The following GUCY1A2 variants were observed in gnomAD, a reference collection of about 807,000 sequenced individuals.
GUCY1A2 encodes guanylate cyclase 1 soluble subunit alpha 2, also known as guanylate cyclase soluble subunit alpha-2.
Under a neutral mutation model 63.5 loss-of-function variants are expected in GUCY1A2, and 27 were observed. That is an observed-to-expected ratio of 0.43 (90% CI 0.31 to 0.59). GUCY1A2 has a LOEUF of 0.59. Among genes scored for constraint, GUCY1A2 ranks in the 20% least tolerant of loss-of-function variants. The pLI is 0.11. For missense variants in GUCY1A2, 768 were observed against 913.3 expected, an observed-to-expected ratio of 0.84 and a Z score of 2.05; for synonymous variants, 364 against 343.5, an observed-to-expected ratio of 1.06 and a Z score of -0.66.
chr11:107,012,136 T>A (rs976250929), intron 1 of GUCY1A2, among the ~76,000 whole-genome samples: 6 of 152,166 alleles, frequency 3.9e-5, no homozygotes, highest in African/African-American at 1.4e-4. Context: ...AATGTTTGGA[T>A]CTGCAATTTT....
At chr11:106,726,696 A>G (rs552249006) in intron 6 of GUCY1A2, among the ~76,000 whole-genome samples, 17 of 152,324 alleles carry the variant, frequency 1.1e-4, no homozygotes, top group African/African-American at 3.4e-4. Context: ...CTGACTGGAT[A>G]TTAAAGACAA....
rs556436091 is a variant in GUCY1A2, at chr11:106,877,431, T to C, written c.1206+62029A>G. Among the ~76,000 whole-genome samples, 11 of 152,162 alleles carry C rather than the reference T, an allele frequency of 7.2e-5. No homozygotes were observed. The South Asian group carries it at 2.3e-3, about 32-fold the overall frequency. On this transcript the variant is annotated intron_variant, in intron 4 of 7. Transcript: ENST00000526355. ...TACAGTAACCAAAACAGCATGGTGC[T>C]GGTACAAAAACAGACACGTAGACCA...
At chr11:106,988,736 T>C (rs1861434303) in intron 1 of GUCY1A2, among the ~76,000 whole-genome samples, 1 of 152,222 alleles carries the variant, frequency 6.6e-6, no homozygotes, top group Non-Finnish European at 1.5e-5. Flanking sequence ...ACCACAAGCA[T>C]AGAGGCTGAC....
At chr11:106,915,384 T>A (rs1860357107) in intron 4 of GUCY1A2, among the ~76,000 whole-genome samples, 1 of 152,078 alleles carries the variant, frequency 6.6e-6, no homozygotes, top group Non-Finnish European at 1.5e-5. Context: ...GTATCTGTAC[T>A]ACCGACGAGG....
chr11:106,928,177 G>A (rs977578075), intron 4 of GUCY1A2, among the ~76,000 whole-genome samples: 9 of 152,150 alleles, frequency 5.9e-5, no homozygotes, highest in African/African-American at 2.2e-4. Context: ...CAGAGAGAAA[G>A]AGATTCCCTC....
rs537115608 is a variant in GUCY1A2 at position 106,912,651 on chromosome 11, G to A, written c.1206+26809C>T. Among the ~76,000 whole-genome samples the A allele has an allele frequency of 8.3e-4, 127 of 152,106 alleles. 1 individual carries two copies. The highest frequency in any genetic ancestry group is 2.8e-3 in the African/African-American group (118 of 41,538). On this transcript the variant is annotated intron_variant, in intron 4 of 7. Transcript: ENST00000526355. ...TTATGAAGGCTTGAGAATAAGCTTG[G>A]CACAATCCTGTCAATGAAATAGATG...
At chr11:106,695,670 CT>C (rs1862704533) in intron 7 of GUCY1A2, among the ~76,000 whole-genome samples, 1 of 152,118 alleles carries the variant, frequency 6.6e-6, no homozygotes, top group African/African-American at 2.4e-5. Flanking sequence ...TCCAATGGAA[CT>C]GTTGTTATTG....
rs574748293 is a variant in GUCY1A2 at position 106,767,695 on chromosome 11, TGTAAG to T, written c.1836+8739_1836+8743del. ...TTATGCTGATATCTTACAGAGGAAT[TGTAAG>T]GTATTAAGGATGCTCTGTCTATTGA... On this transcript the variant is annotated intron_variant, in intron 6 of 7. Coordinates refer to ENST00000526355, the MANE Select transcript of GUCY1A2 (RefSeq NM_000855.3). 6.6e-5 allele frequency among the ~76,000 whole-genome samples: 10 copies of T among 152,176 alleles called. No individual in the cohort carries two copies. The South Asian group carries it at 1.7e-3, about 25-fold the overall frequency.
In GUCY1A2 at chr11:106,876,577, C is replaced by A. The variant is rs1324008045; in HGVS notation, c.1206+62883G>T. On this transcript the variant is annotated intron_variant, in intron 4 of 7. Transcript: ENST00000526355. ...CTACAAATCATACATGACCAACCTC[C>A]TATAAATACCATTTTCATAACAGTA... 5.3e-5 allele frequency among the ~76,000 whole-genome samples: 8 copies of A among 152,012 alleles called. 1 individual carries two copies. The highest frequency in any genetic ancestry group is 1.3e-4 in the Admixed American group (2 of 15,230).
chr11:106,722,421 G>T (rs1284376700), intron 6 of GUCY1A2, among the ~76,000 whole-genome samples: 1 of 152,024 alleles, frequency 6.6e-6, no homozygotes, highest in African/African-American at 2.4e-5. Context: ...AATCTTGGTA[G>T]TGGGGTCTAA....
intron 3 of GUCY1A2, among the ~76,000 whole-genome samples, chr11:106,940,856 T>G (rs1860743341): frequency 6.6e-6 from 1 of 152,170 alleles, no homozygotes; most frequent in Non-Finnish European, 1.5e-5. Context: ...ATTTCCCCAT[T>G]CTTCACAGAA....
Position 107,017,776 on chromosome 11 carries a change from T to A in GUCY1A2, c.280A>T (p.Ile94Phe). Residue 94 changes from isoleucine (I) to phenylalanine (F), a missense_variant, in exon 1 of 8, where the codon ATC (isoleucine) becomes TTC (phenylalanine). This residue lies in a region of GUCY1A2 where 496 missense variants were observed against 486.9 expected (regional missense o/e 1.02). Coordinates refer to ENST00000526355, the MANE Select transcript of GUCY1A2 (RefSeq NM_000855.3). ...ACCGAGGGCGCCGTCAGGCGGCTGATGCTCTCGCCCAGCGAGTCCAGGTTG... is the reference window on the plus strand; with the variant it reads ...ACCGAGGGCGCCGTCAGGCGGCTGAAGCTCTCGCCCAGCGAGTCCAGGTTG... ...RVNLDSLGES[I>F]SRLTAPSPQT... The A allele has an allele frequency of 7.0e-7, 1 of 1,424,914 alleles. No homozygotes were observed. Among genetic ancestry groups the A allele is most frequent in the Non-Finnish European group, 9.2e-7 (1 of 1,089,110 alleles). The allele number at this position is 1,424,914 out of a possible 1,614,324, so 88.3% of individuals were successfully genotyped here. A position where few individuals can be genotyped will look rare whatever the true frequency, so the allele number is the denominator to read the frequency against.
intron 1 of GUCY1A2, among the ~76,000 whole-genome samples, chr11:107,007,671 A>T (rs1325620556): frequency 1.3e-5 from 2 of 152,162 alleles, no homozygotes; most frequent in African/African-American, 4.8e-5. Flanking sequence ...TCTCTTCCCC[A>T]ATCTTTAAAC....
At chr11:106,842,517 G>A (rs1859213965) in intron 4 of GUCY1A2, among the ~76,000 whole-genome samples, 1 of 152,026 alleles carries the variant, frequency 6.6e-6, no homozygotes, top group South Asian at 2.1e-4. Context: ...AATGGCATTA[G>A]TGCCACTATT....
chr11:106,676,592 CATACT>C lies in GUCY1A2; in HGVS notation c.*10952_*10956del, dbSNP rs1862350760. On this transcript the variant is annotated 3_prime_UTR_variant, in exon 8 of 8. Transcript: ENST00000526355. ...AACCCTCAATAAGAACTCAAAACAT[CATACT>C]ATGCCAAGCTGAATTACAGAAGGGT... 1 of 187,278 alleles carries C rather than the reference CATACT, an allele frequency of 5.3e-6. No individual in the cohort carries two copies. The highest frequency in any genetic ancestry group is 8.5e-5 in the East Asian group (1 of 11,758). 11.6% of individuals were successfully genotyped at this position (187,278 alleles called of 1,614,324 possible). A position where few individuals can be genotyped will look rare whatever the true frequency, so the allele number is the denominator to read the frequency against.
At chr11:106,964,056 T>C (rs7934703) in intron 3 of GUCY1A2, among the ~76,000 whole-genome samples, 127,276 of 151,164 alleles carry the variant, frequency 0.84, 53,862 homozygotes, top group Non-Finnish European at 0.89. Flanking sequence ...TACACACGTA[T>C]ACACACACAC....
chr11:107,007,148 C>T (rs558038384), intron 1 of GUCY1A2, among the ~76,000 whole-genome samples: 1 of 152,188 alleles, frequency 6.6e-6, no homozygotes, highest in East Asian at 1.9e-4. Context: ...AATGATGTAG[C>T]TAAATATCCT....
chr11:106,852,796 G>T (rs1859374442), intron 4 of GUCY1A2, among the ~76,000 whole-genome samples: 1 of 152,006 alleles, frequency 6.6e-6, no homozygotes, highest in African/African-American at 2.4e-5. Flanking sequence ...CCTGCTTTTG[G>T]CATAAGGGTA....
chr11:106,697,009 T>G (rs1203978282), intron 7 of GUCY1A2, among the ~76,000 whole-genome samples: 1 of 152,226 alleles, frequency 6.6e-6, no homozygotes, highest in Non-Finnish European at 1.5e-5. Flanking sequence ...GATTTTACTC[T>G]AATTTATTTC....
Sources: allele counts gnomAD v4.1 joint callset (sites outside exome capture counted in the v4.1 genomes callset), GRCh38; gene constraint gnomAD v4.1.1; regional missense constraint gnomAD v4.1.1; transcripts MANE v1.5; gene names NCBI Gene and HGNC (gene_info 2026-07-23, HGNC 2026-07-21).